CELF2: variants seen among roughly 807,000 people sequenced by gnomAD.
CELF2 encodes the protein CUG triplet repeat RNA-binding protein 2.
A neutral mutation model predicts 62.6 loss-of-function variants in CELF2; 8 were observed. The observed-to-expected ratio is 0.13, with a 90% CI of 0.07 to 0.23. The LOEUF is 0.23. Ranked by LOEUF, CELF2 falls within the 10% of genes least tolerant of loss-of-function variation. The pLI, the probability that CELF2 is intolerant of heterozygous loss-of-function variation, is 1.00. For synonymous variants in CELF2, 258 were observed against 250.0 expected (o/e 1.03, Z -0.30); for missense variants, 333 against 671.0 (o/e 0.50, Z 5.56).
intron 2 of CELF2, among the ~76,000 whole-genome samples, chr10:11,203,511 A>G: frequency 6.6e-6 from 1 of 152,202 alleles, no homozygotes; most frequent in Non-Finnish European, 1.5e-5. Context: ...GAAGTAAGGC[A>G]GTGTTTGGCA....
At chr10:11,219,472 G>A (rs781339538) in intron 3 of CELF2, among the ~76,000 whole-genome samples, 2 of 152,180 alleles carry the variant, frequency 1.3e-5, no homozygotes, top group African/African-American at 2.4e-5. Flanking sequence ...AAAGTTGGTC[G>A]GTGGATTATT....
rs1224794945 is a variant in CELF2, at chr10:11,214,963, C to T, written c.272-2462C>T. Among the ~76,000 whole-genome samples, 1 of 152,188 alleles carries T rather than the reference C, an allele frequency of 6.6e-6. No homozygotes were observed. The highest frequency in any genetic ancestry group is 1.5e-5 in the Non-Finnish European group (1 of 68,026). ...TTTCTTCCTTCCTTTCTCCTATTCA[C>T]CTGCCATCCCACCCTGCTTAGATAC... On this transcript the variant is annotated intron_variant, in intron 2 of 12. Transcript: ENST00000633077. This position sits in a 1 kb window ranked among gnomAD's most constrained non-coding sequence, Gnocchi z 4.2.
intron 2 of CELF2, among the ~76,000 whole-genome samples, chr10:10,999,399 A>T (rs1202774416): frequency 1.3e-5 from 2 of 152,216 alleles, no homozygotes; most frequent in Admixed American, 1.3e-4. Flanking sequence ...TTAGTTTCAG[A>T]GGGTGATATA....
chr10:10,690,753 G>A, the CELF2 span, among the ~76,000 whole-genome samples: 1,282 of 152,146 alleles, frequency 8.4e-3, 10 homozygotes, highest in Non-Finnish European at 0.011. Flanking sequence ...GGTGATGCAC[G>A]CCTATAATAC....
In CELF2 at chr10:11,275,042, T is replaced by C. The variant is rs769702855; in HGVS notation, c.778-15T>C. On this transcript the variant is annotated splice_polypyrimidine_tract_variant and intron_variant, in intron 7 of 12. Coordinates refer to ENST00000633077, the MANE Select transcript of CELF2 (RefSeq NM_001326342.2). Reference sequence around the variant, plus strand: ...TCTCACCGTCTCCACTTTGCCCTTGTGTGTTCATCCGCAGCTCCTGCAGCA... The same window carrying C: ...TCTCACCGTCTCCACTTTGCCCTTGCGTGTTCATCCGCAGCTCCTGCAGCA... 5.6e-6 allele frequency: 9 copies of C among 1,613,860 alleles called. No individual in the cohort carries two copies. Among genetic ancestry groups the C allele is most frequent in the Non-Finnish European group, 7.6e-6 (9 of 1,179,892 alleles).
Position 11,314,302 on chromosome 10 carries a change from C to T in CELF2, c.1096+44C>T. On this transcript the variant is annotated intron_variant, in intron 10 of 12. Transcript: ENST00000633077. The surrounding 1 kb of genome is among the most constrained non-coding windows in gnomAD (Gnocchi z 5.3). ...ATTTGCTGCTCTGGTGGACAGCCTT[C>T]CCCCAAATTCTCCACAGAAAGTGGT... 6.2e-7 allele frequency: 1 copy of T among 1,613,294 alleles called. No individual in the cohort carries two copies.
intron 1 of CELF2, among the ~76,000 whole-genome samples, chr10:10,847,308 T>C (rs988736433): frequency 6.6e-6 from 1 of 152,174 alleles, no homozygotes; most frequent in African/African-American, 2.4e-5. Context: ...TCAAAGATAA[T>C]TTTAGAATGT....
intron 2 of CELF2, among the ~76,000 whole-genome samples, chr10:10,969,201 G>A (rs935490130): frequency 1.4e-4 from 21 of 152,196 alleles, no homozygotes; most frequent in African/African-American, 4.8e-4. Context: ...CGGTTGCAAT[G>A]AACCAAGATT....
At chr10:10,874,589 T>TAA (rs2060969945) in intron 1 of CELF2, among the ~76,000 whole-genome samples, 1 of 152,196 alleles carries the variant, frequency 6.6e-6, no homozygotes, top group South Asian at 2.1e-4. Context: ...TCATCAACCC[T>TAA]AATTATTAAA....
the CELF2 span, among the ~76,000 whole-genome samples, chr10:10,577,098 C>A: frequency 6.6e-6 from 1 of 152,148 alleles, no homozygotes; most frequent in East Asian, 1.9e-4. Flanking sequence ...AGTCCATAAG[C>A]AAAGACTAAG....
chr10:10,785,973 A>G, the CELF2 span, among the ~76,000 whole-genome samples: 1 of 152,242 alleles, frequency 6.6e-6, no homozygotes. Flanking sequence ...ACATATATCA[A>G]AATGTCAGGT....
chr10:11,177,531 C>A lies in CELF2; in HGVS notation c.271+11849C>A, dbSNP rs2071673241. Among the ~76,000 whole-genome samples the A allele has an allele frequency of 6.6e-6, 1 of 152,044 alleles. No homozygotes were observed. Among genetic ancestry groups the A allele is most frequent in the Non-Finnish European group, 1.5e-5 (1 of 68,014 alleles). ...AAATGTTGCTTAATTTGTACACTTCCCTGCAGTGCTGGAAATGGACTTTTC... is the reference window on the plus strand; with the variant it reads ...AAATGTTGCTTAATTTGTACACTTCACTGCAGTGCTGGAAATGGACTTTTC... On this transcript the variant is annotated intron_variant, in intron 2 of 12. Coordinates refer to ENST00000633077, the MANE Select transcript of CELF2 (RefSeq NM_001326342.2). The surrounding 1 kb of genome is among the most constrained non-coding windows in gnomAD (Gnocchi z 4.8).
At chr10:11,089,186 G>T (rs565495270) in intron 1 of CELF2, among the ~76,000 whole-genome samples, 247 of 152,332 alleles carry the variant, frequency 1.6e-3, no homozygotes, top group African/African-American at 5.5e-3. Flanking sequence ...GGATGGCAGG[G>T]TCACGTTGCA....
intron 1 of CELF2, among the ~76,000 whole-genome samples, chr10:11,092,771 G>C (rs1050444804): frequency 4.6e-5 from 7 of 152,286 alleles, no homozygotes; most frequent in Non-Finnish European, 1.0e-4. Flanking sequence ...TGGCCCTCTT[G>C]CCTGTGCTGT....
chr10:11,263,588 C>T (rs1344829895), intron 5 of CELF2, among the ~76,000 whole-genome samples: 3 of 152,168 alleles, frequency 2.0e-5, no homozygotes, highest in Non-Finnish European at 4.4e-5. Context: ...TGAACACCAC[C>T]GCACCCAGAA....
intron 3 of CELF2, among the ~76,000 whole-genome samples, chr10:11,226,526 G>A (rs1407365221): frequency 1.8e-4 from 27 of 152,108 alleles, no homozygotes; most frequent in Admixed American, 1.7e-3. Context: ...GACAGTTCTG[G>A]CTGTGTCAGA....
At chr10:11,180,649 T>C (rs149153803) in intron 2 of CELF2, among the ~76,000 whole-genome samples, 262 of 152,268 alleles carry the variant, frequency 1.7e-3, no homozygotes, top group African/African-American at 6.1e-3. Context: ...CTCGGTAGTA[T>C]TGACAATAAG....
chr10:10,869,439 G>A (rs541355011), intron 1 of CELF2, among the ~76,000 whole-genome samples: 54 of 152,146 alleles, frequency 3.5e-4, no homozygotes, highest in Admixed American at 1.4e-3. Flanking sequence ...GTGTACGCCC[G>A]TAATCCCAGC....
intron 2 of CELF2, among the ~76,000 whole-genome samples, chr10:11,179,736 A>G (rs558943279): frequency 4.0e-5 from 6 of 151,828 alleles, no homozygotes; most frequent in Non-Finnish European, 7.3e-5. Context: ...AGCCTGTGAC[A>G]GTCTTCTTTT....
Sources: gnomAD v4.1 joint callset for allele counts (sites outside exome capture counted in the v4.1 genomes callset) on GRCh38, gnomAD v4.1.1 for gene constraint, Gnocchi (gnomAD v3.1) non-coding constraint, MANE v1.5 for transcripts, NCBI Gene and HGNC (gene_info 2026-07-23, HGNC 2026-07-21) for gene names.